GLI3: variants seen among roughly 807,000 people sequenced by gnomAD.
The protein encoded by GLI3 is GLI family zinc finger 3.
GLI3 carries 20 observed loss-of-function variants against 100.8 expected under a neutral mutation model. The ratio of observed to expected loss-of-function variants is 0.20; its 90% CI spans 0.14 to 0.29. GLI3 has a LOEUF of 0.29. Ranked by LOEUF, GLI3 falls within the 10% of genes least tolerant of loss-of-function variation. The pLI is 1.00. For missense variants in GLI3, 2,040 were observed against 2,128.5 expected, an observed-to-expected ratio of 0.96 and a Z score of 0.82; for synonymous variants, 938 against 860.5, an observed-to-expected ratio of 1.09 and a Z score of -1.58.
At chr7:41,995,154 G>A (rs1788089991) in intron 10 of GLI3, among the ~76,000 whole-genome samples, 1 of 152,150 alleles carries the variant, frequency 6.6e-6, no homozygotes, top group African/African-American at 2.4e-5. Flanking sequence ...CATTTGTCAG[G>A]TAACACAACT....
intron 10 of GLI3, among the ~76,000 whole-genome samples, chr7:41,979,026 A>G (rs1787584413): frequency 6.6e-6 from 1 of 152,210 alleles, no homozygotes; most frequent in Non-Finnish European, 1.5e-5. Context: ...TGGCCATCTG[A>G]AGAGCAGAGT....
chr7:41,982,517 C>T (rs1787698439), intron 10 of GLI3, among the ~76,000 whole-genome samples: 1 of 151,786 alleles, frequency 6.6e-6, no homozygotes, highest in Admixed American at 6.6e-5. Context: ...CCAAGACCAG[C>T]CTGAGCAACA....
intron 1 of GLI3, among the ~76,000 whole-genome samples, chr7:42,248,413 A>G (rs1304861463): frequency 1.3e-5 from 2 of 152,238 alleles, no homozygotes; most frequent in Admixed American, 1.3e-4. Context: ...ACATTTTAAA[A>G]TTATGTTCTA....
At chr7:42,189,309 A>C (rs1385586488) in intron 2 of GLI3, among the ~76,000 whole-genome samples, 1 of 152,250 alleles carries the variant, frequency 6.6e-6, no homozygotes, top group Admixed American at 6.5e-5. Context: ...TGCAACGTAC[A>C]AAAATCCTAA....
intron 4 of GLI3, among the ~76,000 whole-genome samples, chr7:42,076,157 G>A (rs1562716401): frequency 1.3e-5 from 2 of 152,152 alleles, no homozygotes; most frequent in African/African-American, 4.8e-5. Flanking sequence ...CCAAACCAAG[G>A]AAGATGGTAT....
At chr7:42,169,009 T>C (rs951685090) in intron 2 of GLI3, among the ~76,000 whole-genome samples, 2 of 152,206 alleles carry the variant, frequency 1.3e-5, no homozygotes, top group African/African-American at 4.8e-5. Flanking sequence ...ATGGGTCTGT[T>C]TCTTGAGCCT....
intron 4 of GLI3, among the ~76,000 whole-genome samples, chr7:42,051,583 A>G (rs1784353384): frequency 6.6e-6 from 1 of 152,240 alleles, no homozygotes; most frequent in South Asian, 2.1e-4. Context: ...AGATATATGC[A>G]CACATATAAA....
intron 2 of GLI3, among the ~76,000 whole-genome samples, chr7:42,164,028 A>C (rs1164075686): frequency 6.6e-6 from 1 of 152,010 alleles, no homozygotes; most frequent in African/African-American, 2.4e-5. Context: ...TTCCTTTTGT[A>C]ATGGGTCTAT....
At chr7:42,121,446 G>A (rs1240964475) in intron 3 of GLI3, among the ~76,000 whole-genome samples, 3 of 152,188 alleles carry the variant, frequency 2.0e-5, no homozygotes, top group Admixed American at 6.5e-5. Flanking sequence ...GGTACCTACT[G>A]CCCCTGCCCC....
chr7:42,094,744 A>C (rs1180124982), intron 3 of GLI3, among the ~76,000 whole-genome samples: 1 of 151,742 alleles, frequency 6.6e-6, no homozygotes, highest in Non-Finnish European at 1.5e-5. Context: ...AAAAAAAAAA[A>C]ATTAATTAAA....
chr7:42,163,243 C>T (rs553797656), intron 2 of GLI3, among the ~76,000 whole-genome samples: 3 of 151,840 alleles, frequency 2.0e-5, no homozygotes, highest in Non-Finnish European at 4.4e-5. Flanking sequence ...TTCTATCTCA[C>T]CTCTGCTTGT....
intron 1 of GLI3, among the ~76,000 whole-genome samples, chr7:42,254,488 AG>A (rs1258227380): frequency 6.6e-6 from 1 of 152,222 alleles, no homozygotes; most frequent in African/African-American, 2.4e-5. Context: ...AGCAAGTGGG[AG>A]AGCATTTAAA....
intron 3 of GLI3, among the ~76,000 whole-genome samples, chr7:42,078,810 A>AGCTC (rs1046336525): frequency 2.5e-4 from 34 of 137,264 alleles, no homozygotes; most frequent in African/African-American, 8.0e-4. Context: ...GCTCACTGTG[A>AGCTC]GCTCCACCTC....
At chr7:42,035,778 T>C (rs956125523) in intron 7 of GLI3, among the ~76,000 whole-genome samples, 1 of 152,182 alleles carries the variant, frequency 6.6e-6, no homozygotes, top group South Asian at 2.1e-4. Context: ...TATTTTAACC[T>C]ACTGTGATTC....
At chr7:42,164,418 G>A (rs1338251404) in intron 2 of GLI3, among the ~76,000 whole-genome samples, 1 of 152,162 alleles carries the variant, frequency 6.6e-6, no homozygotes, top group Non-Finnish European at 1.5e-5. Context: ...TTCTTGGGAG[G>A]CTGGGGTGGG....
chr7:42,027,667 C>G (rs778544268), intron 7 of GLI3, among the ~76,000 whole-genome samples: 1 of 152,198 alleles, frequency 6.6e-6, no homozygotes, highest in Non-Finnish European at 1.5e-5. Context: ...GATTACATTA[C>G]TATCATTCCT....
At chr7:42,182,658 A>ATACATGTGTGTGTG (rs1787621670) in intron 2 of GLI3, among the ~76,000 whole-genome samples, 1 of 56,052 alleles carries the variant, frequency 1.8e-5, no homozygotes, top group Non-Finnish European at 3.4e-5. Flanking sequence ...ATATATATAT[A>ATACATGTGTGTGTG]TATATATATA....
intron 3 of GLI3, among the ~76,000 whole-genome samples, chr7:42,103,652 AGTCC>A (rs1309801868): frequency 1.3e-5 from 2 of 152,134 alleles, no homozygotes; most frequent in Admixed American, 6.5e-5. Flanking sequence ...GACCTCACCC[AGTCC>A]TTTTCACATT....
At chr7:42,116,488 A>T (rs1431702696) in intron 3 of GLI3, among the ~76,000 whole-genome samples, 1 of 111,474 alleles carries the variant, frequency 9.0e-6, no homozygotes, top group East Asian at 2.1e-4. Context: ...CTGCAAAAAG[A>T]AAAAAAAAAA....
Sources: allele counts gnomAD v4.1 joint callset (sites outside exome capture counted in the v4.1 genomes callset), GRCh38; gene constraint gnomAD v4.1.1; transcripts MANE v1.5; gene names NCBI Gene and HGNC (gene_info 2026-07-23, HGNC 2026-07-21).